Variants in DYM observed in about 807,000 individuals in gnomAD.
DYM encodes dymeclin.
DYM carries 78 observed loss-of-function variants against 93.1 expected under a neutral mutation model. The observed-to-expected ratio is 0.84, with a 90% CI of 0.70 to 1.01. The LOEUF is 1.01. DYM is among the 50% of genes least tolerant of loss of function. DYM has a pLI of 0.00. For synonymous variants in DYM, 321 were observed against 319.7 expected, an observed-to-expected ratio of 1.00 and a Z score of -0.04; for missense variants, 789 against 845.0, an observed-to-expected ratio of 0.93 and a Z score of 0.82.
intron 13 of DYM, among the ~76,000 whole-genome samples, chr18:49,247,775 AT>A (rs2094202726): frequency 6.6e-6 from 1 of 152,196 alleles, no homozygotes; most frequent in Admixed American, 6.5e-5. Context: ...AATACTAGCA[AT>A]TTTTTGAATA....
At chr18:49,162,647 A>G (rs2087307337) in intron 15 of DYM, among the ~76,000 whole-genome samples, 1 of 152,194 alleles carries the variant, frequency 6.6e-6, no homozygotes, top group Admixed American at 6.5e-5. Flanking sequence ...AGTTGGTAAT[A>G]AACTCTTCGT....
chr18:49,068,569 A>T (rs1354298503), intron 17 of DYM, among the ~76,000 whole-genome samples: 1 of 152,192 alleles, frequency 6.6e-6, no homozygotes, highest in Non-Finnish European at 1.5e-5. Context: ...GTTAGGCTGG[A>T]CTGCTGGAGG....
intron 2 of DYM, among the ~76,000 whole-genome samples, chr18:49,395,837 T>C (rs78570651): frequency 0.091 from 13,889 of 152,152 alleles, 857 homozygotes; most frequent in East Asian, 0.31. Context: ...GGTGCTATAA[T>C]TTGGATGTTT....
At chr18:49,156,732 CAAAAAAAA>C (rs1224742522) in intron 15 of DYM, among the ~76,000 whole-genome samples, 1 of 63,192 alleles carries the variant, frequency 1.6e-5, no homozygotes, top group Non-Finnish European at 3.5e-5. Context: ...AACGCTGTCT[CAAAAAAAA>C]AAAAAAAAAA....
chr18:49,085,187 G>T (rs2145276110), intron 17 of DYM, among the ~76,000 whole-genome samples: 1 of 152,052 alleles, frequency 6.6e-6, no homozygotes, highest in Non-Finnish European at 1.5e-5. Context: ...TCCGAAATTG[G>T]GTATAAAATA....
chr18:49,427,231 G>A (rs1459481614), intron 2 of DYM, among the ~76,000 whole-genome samples: 3 of 152,102 alleles, frequency 2.0e-5, no homozygotes, highest in South Asian at 2.1e-4. Flanking sequence ...TCCAATTTAC[G>A]GGAAATATAT....
At chr18:49,394,824 C>T (rs79855696) in intron 2 of DYM, among the ~76,000 whole-genome samples, 9,268 of 151,958 alleles carry the variant, frequency 0.061, 536 homozygotes, top group East Asian at 0.28. Context: ...GATAGTTCAA[C>T]AGAATAAAGA....
At chr18:49,282,644 G>T in intron 9 of DYM, among the ~76,000 whole-genome samples, 1 of 152,080 alleles carries the variant, frequency 6.6e-6, no homozygotes, top group East Asian at 1.9e-4. Flanking sequence ...ACTTTAAAAA[G>T]AACTAAACAA....
Position 49,259,377 on chromosome 18 carries a change from G to A in DYM, c.1252-884C>T, listed in dbSNP as rs373228588. ...ATTACCAGTGCACATGAAATACAGA[G>A]GACAGAACACGTTAAATACCGTGAT... On this transcript the variant is annotated intron_variant, in intron 11 of 17. Coordinates refer to ENST00000675505, the MANE Select transcript of DYM (RefSeq NM_001353214.3). Among the ~76,000 whole-genome samples, 83 of 152,248 alleles carry A rather than the reference G, an allele frequency of 5.5e-4. 1 individual carries two copies. In the South Asian group the frequency reaches 0.015, roughly 28 times the overall value.
intron 6 of DYM, among the ~76,000 whole-genome samples, chr18:49,339,824 C>A (rs1232504976): frequency 6.6e-6 from 1 of 152,212 alleles, no homozygotes; most frequent in Non-Finnish European, 1.5e-5. Context: ...CAACACGAAA[C>A]ATCCATTATT....
At chr18:49,451,284 C>G (rs1271096762) in intron 1 of DYM, among the ~76,000 whole-genome samples, 2 of 152,124 alleles carry the variant, frequency 1.3e-5, no homozygotes, top group Non-Finnish European at 2.9e-5. Flanking sequence ...AAATAAGAAT[C>G]CATTTTTCTT....
intron 10 of DYM, among the ~76,000 whole-genome samples, chr18:49,274,704 T>C (rs1370711936): frequency 6.6e-6 from 1 of 152,190 alleles, no homozygotes; most frequent in Non-Finnish European, 1.5e-5. Context: ...TCGCTGTGAT[T>C]TTGATTTACA....
intron 8 of DYM, among the ~76,000 whole-genome samples, chr18:49,295,331 A>C (rs1416657773): frequency 6.6e-6 from 1 of 152,230 alleles, no homozygotes; most frequent in Admixed American, 6.5e-5. Context: ...CTTTAGATTT[A>C]GCTGGGTAGG....
At chr18:49,086,418 C>T (rs1447689044) in intron 17 of DYM, among the ~76,000 whole-genome samples, 1 of 152,186 alleles carries the variant, frequency 6.6e-6, no homozygotes, top group African/African-American at 2.4e-5. Context: ...ATGGATTAAT[C>T]TAGTCACAAG....
At chr18:49,076,979 G>A (rs1017437259) in intron 17 of DYM, among the ~76,000 whole-genome samples, 2 of 152,090 alleles carry the variant, frequency 1.3e-5, no homozygotes, top group South Asian at 2.1e-4. Context: ...GAAACATATG[G>A]TGCCCTGCAC....
chr18:49,176,037 C>A (rs1019491975), intron 14 of DYM, among the ~76,000 whole-genome samples: 1 of 151,952 alleles, frequency 6.6e-6, no homozygotes. Flanking sequence ...TATATGTAAA[C>A]CCAATAATAA....
At chr18:49,123,834 A>T (rs922989227) in intron 15 of DYM, among the ~76,000 whole-genome samples, 1 of 152,202 alleles carries the variant, frequency 6.6e-6, no homozygotes, top group South Asian at 2.1e-4. Flanking sequence ...TTAGTATAGA[A>T]GGAAGAGACT....
chr18:49,434,305 C>T lies in DYM; in HGVS notation c.-53-3858G>A, dbSNP rs981233438. ...GAGGTTGCAGTGAGCTGAGATCTTG[C>T]CACTACACTCCAGCCTGGGCAACAG... On this transcript the variant is annotated intron_variant, in intron 1 of 17. Transcript: ENST00000675505. Among the ~76,000 whole-genome samples, 8 of 151,084 alleles carry T rather than the reference C, an allele frequency of 5.3e-5. No homozygotes were observed. The East Asian group carries it at 5.9e-4, about 11-fold the overall frequency.
At chr18:49,440,054 A>AAAAC (rs1568448400) in intron 1 of DYM, among the ~76,000 whole-genome samples, 3 of 141,240 alleles carry the variant, frequency 2.1e-5, no homozygotes, top group Non-Finnish European at 4.6e-5. Flanking sequence ...ATAAATAAAT[A>AAAAC]AAACATGATA....
Sources: allele counts gnomAD v4.1 joint callset (sites outside exome capture counted in the v4.1 genomes callset), GRCh38; gene constraint gnomAD v4.1.1; transcripts MANE v1.5; gene names NCBI Gene and HGNC (gene_info 2026-07-23, HGNC 2026-07-21).